MCUB: variants seen among roughly 807,000 people sequenced by gnomAD.
MCUB encodes calcium uniporter regulatory subunit MCUb, mitochondrial.
Under a neutral mutation model 41.4 loss-of-function variants are expected in MCUB, and 46 were observed. The ratio of observed to expected loss-of-function variants is 1.11; its 90% CI spans 0.88 to 1.42. The LOEUF is 1.42. MCUB is among the 40% of genes most tolerant of loss of function. MCUB has a pLI of 0.00. For missense variants in MCUB, 403 were observed against 404.9 expected (o/e 1.00, Z 0.04); for synonymous variants, 148 against 148.2 (o/e 1.00, Z 0.01).
intron 1 of MCUB, among the ~76,000 whole-genome samples, chr4:109,573,867 A>ATT (rs70954166): frequency 0.048 from 5,430 of 112,428 alleles, 189 homozygotes; most frequent in Non-Finnish European, 0.055. Context: ...AAAGGGTTGA[A>ATT]TTTTTTTTTT....
chr4:109,676,858 G>T (rs1729586175), intron 4 of MCUB, among the ~76,000 whole-genome samples: 1 of 152,208 alleles, frequency 6.6e-6, no homozygotes, highest in African/African-American at 2.4e-5. Flanking sequence ...AAAATGAGAG[G>T]AGAATAGATT....
At chr4:109,596,993 A>G (rs1316840712) in intron 1 of MCUB, among the ~76,000 whole-genome samples, 1 of 151,826 alleles carries the variant, frequency 6.6e-6, no homozygotes, top group East Asian at 1.9e-4. Flanking sequence ...CACCGCCCTT[A>G]ATCCATTTAA....
chr4:109,679,297 G>A (rs1189706408), intron 4 of MCUB, among the ~76,000 whole-genome samples: 4 of 152,344 alleles, frequency 2.6e-5, no homozygotes, highest in African/African-American at 7.2e-5. Context: ...CAAGGCAGGC[G>A]GCTGGGAGGT....
At chr4:109,569,112 T>C (rs1421390345) in intron 1 of MCUB, among the ~76,000 whole-genome samples, 3 of 152,166 alleles carry the variant, frequency 2.0e-5, no homozygotes, top group African/African-American at 4.8e-5. Flanking sequence ...AGTGACACGA[T>C]CTTGGCTCAC....
At chr4:109,610,731 A>G (rs1280652357) in intron 1 of MCUB, among the ~76,000 whole-genome samples, 2 of 152,298 alleles carry the variant, frequency 1.3e-5, no homozygotes, top group South Asian at 2.1e-4. Context: ...GCAAACCTAG[A>G]TGGCATAGCC....
intron 1 of MCUB, among the ~76,000 whole-genome samples, chr4:109,605,140 T>C (rs372267977): frequency 2.1e-4 from 32 of 152,288 alleles, no homozygotes; most frequent in Admixed American, 1.9e-3. Flanking sequence ...AGTGAAGCCA[T>C]TGGGTCTTGG....
chr4:109,575,305 G>A (rs1711904446), intron 1 of MCUB, among the ~76,000 whole-genome samples: 1 of 152,178 alleles, frequency 6.6e-6, no homozygotes, highest in African/African-American at 2.4e-5. Flanking sequence ...TAACTATTTA[G>A]TGAGAGTAAT....
At chr4:109,566,737 A>G (rs985023267) in intron 1 of MCUB, among the ~76,000 whole-genome samples, 1 of 152,154 alleles carries the variant, frequency 6.6e-6, no homozygotes, top group Non-Finnish European at 1.5e-5. Flanking sequence ...GCCCAAATAG[A>G]CTGAATGACT....
chr4:109,600,377 A>G (rs1351379989), intron 1 of MCUB, among the ~76,000 whole-genome samples: 2 of 152,132 alleles, frequency 1.3e-5, no homozygotes, highest in Non-Finnish European at 2.9e-5. Context: ...TAGGATGGAG[A>G]TTTTCCTTCT....
chr4:109,583,462 G>T (rs1465109203), intron 1 of MCUB, among the ~76,000 whole-genome samples: 1 of 152,144 alleles, frequency 6.6e-6, no homozygotes, highest in Non-Finnish European at 1.5e-5. Flanking sequence ...GAGATTTTGG[G>T]CTGAGATGAT....
intron 1 of MCUB, among the ~76,000 whole-genome samples, chr4:109,585,108 T>C (rs569111658): frequency 6.6e-6 from 1 of 152,018 alleles, no homozygotes; most frequent in East Asian, 1.9e-4. Flanking sequence ...CTCTAAGAAC[T>C]TGCTTTATGG....
chr4:109,609,093 G>T (rs1397263911), intron 1 of MCUB, among the ~76,000 whole-genome samples: 2 of 152,210 alleles, frequency 1.3e-5, no homozygotes, highest in African/African-American at 2.4e-5. Flanking sequence ...GTGCTGAGCT[G>T]CCTGGAGCTG....
At chr4:109,605,221 T>C (rs941175710) in intron 1 of MCUB, among the ~76,000 whole-genome samples, 1 of 152,162 alleles carries the variant, frequency 6.6e-6, no homozygotes, top group Non-Finnish European at 1.5e-5. Context: ...TCTGTTTAAG[T>C]TTTGAATTTC....
At chr4:109,575,841 G>T (rs1727014251) in intron 1 of MCUB, among the ~76,000 whole-genome samples, 1 of 152,098 alleles carries the variant, frequency 6.6e-6, no homozygotes, top group South Asian at 2.1e-4. Flanking sequence ...TAATATTCTT[G>T]GTTTTGAAAC....
chr4:109,672,406 A>G (rs939680088), intron 4 of MCUB, among the ~76,000 whole-genome samples: 3 of 152,180 alleles, frequency 2.0e-5, no homozygotes, highest in Admixed American at 6.5e-5. Context: ...TTTTCCTTCA[A>G]TGCTAGTTTA....
At chr4:109,580,602 G>A (rs1470852956) in intron 1 of MCUB, among the ~76,000 whole-genome samples, 2 of 152,154 alleles carry the variant, frequency 1.3e-5, no homozygotes, top group East Asian at 3.8e-4. Context: ...TCTCATTGTG[G>A]TTTTGATTTG....
intron 1 of MCUB, among the ~76,000 whole-genome samples, chr4:109,611,829 T>C (rs1164691022): frequency 6.6e-6 from 1 of 152,238 alleles, no homozygotes; most frequent in African/African-American, 2.4e-5. Flanking sequence ...CTGGGGCATT[T>C]TAAATTCCAC....
chr4:109,583,259 T>C (rs529833566), intron 1 of MCUB, among the ~76,000 whole-genome samples: 1 of 152,218 alleles, frequency 6.6e-6, no homozygotes, highest in Non-Finnish European at 1.5e-5. Context: ...TTTGTAGTTG[T>C]CCTTGAAGAG....
In MCUB at chr4:109,649,761, A is replaced by T. The variant is rs371985022; in HGVS notation, c.100-9250A>T. On this transcript the variant is annotated intron_variant, in intron 1 of 7. Coordinates refer to ENST00000394650, the MANE Select transcript of MCUB (RefSeq NM_017918.5). ...TTTATTATGATTTTTTAAAATAGAA[A>T]TATGGTTTCACCCTGTTGCCCAGGC... 7.6e-3 allele frequency among the ~76,000 whole-genome samples: 1,162 copies of T among 152,250 alleles called. 15 individuals are homozygous for T. The highest frequency in any genetic ancestry group is 0.026 in the African/African-American group (1,074 of 41,542).
Sources: allele counts gnomAD v4.1 joint callset (sites outside exome capture counted in the v4.1 genomes callset), GRCh38; gene constraint gnomAD v4.1.1; transcripts MANE v1.5; gene names NCBI Gene and HGNC (gene_info 2026-07-23, HGNC 2026-07-21).